ADAM8: variants seen among roughly 807,000 people sequenced by gnomAD.
ADAM8 encodes disintegrin and metalloproteinase domain-containing protein 8.
In ADAM8, 104 loss-of-function variants were observed where a neutral mutation model predicts 102.4. That is an observed-to-expected ratio of 1.02 (90% CI 0.87 to 1.20). The LOEUF is 1.20. Among genes scored for constraint, ADAM8 ranks in the 50% most tolerant of loss-of-function variants. The pLI, the probability that ADAM8 is intolerant of heterozygous loss-of-function variation, is 0.00. For synonymous variants in ADAM8, 517 were observed against 485.2 expected (o/e 1.07, Z -0.86); for missense variants, 1,132 against 1,159.0 (o/e 0.98, Z 0.34).
chr10:133,263,604 A>C, intron 22 of ADAM8, 84 bp downstream of exon 22: 2 of 53,360 alleles, frequency 3.7e-5, no homozygotes, highest in Non-Finnish European at 5.8e-5. Context: ...CCCACCCTCC[A>C]GGGCAGTGCC....
At chr10:133,273,120 G>A (rs528047134) in intron 6 of ADAM8, 101 bp from the exon 7 acceptor site, 2 of 1,595,196 alleles carry the variant, frequency 1.3e-6, no homozygotes, top group South Asian at 2.2e-5. Context: ...TCCAGTGCTG[G>A]GGGAGCGTGG....
intron 14 of ADAM8, 23 bp downstream of exon 14, chr10:133,270,853 TGCCAG>T: frequency 6.2e-7 from 1 of 1,610,204 alleles, no homozygotes; most frequent in Non-Finnish European, 8.5e-7. Flanking sequence ...GCAGCCACCC[TGCCAG>T]GCCAGCTCTG....
At chr10:133,268,244 GAGAC>G (rs1382666068) in intron 19 of ADAM8, 126 bp from the exon 20 acceptor site, 3 of 890,446 alleles carry the variant, frequency 3.4e-6, no homozygotes, top group African/African-American at 1.7e-5. Flanking sequence ...GTGGCCATGA[GAGAC>G]AGACAGGCCC....
At chr10:133,269,222 G>A (rs1182237051) in intron 18 of ADAM8, 2 of 978,422 alleles carry the variant, frequency 2.0e-6, no homozygotes, top group Non-Finnish European at 2.4e-6. Flanking sequence ...TCACGGCCGT[G>A]CCCTGCCCTC....
intron 2 of ADAM8, chr10:133,275,093 C>A: frequency 3.4e-6 from 1 of 296,830 alleles, no homozygotes. Flanking sequence ...GGGAGGGGGG[C>A]ATTCTCAGTT....
In ADAM8 at chr10:133,267,931, C is replaced by T; in HGVS notation, c.2251G>A (p.Ala751Thr). The T allele has an allele frequency of 7.9e-7, 1 of 1,260,292 alleles. No individual in the cohort carries two copies. 78.1% of individuals were successfully genotyped at this position (1,260,292 alleles called of 1,614,324 possible). Reference protein sequence around the residue: ...SSVALKRPPPAPPVTVSSPPF... With the variant: ...SSVALKRPPPTPPVTVSSPPF... Reference sequence around the variant, plus strand: ...AACCCGCCAGGGGTGGTGCTTACAGCAGGGGGCGGCCTCTTCAGAGCCACC... The same window carrying T: ...AACCCGCCAGGGGTGGTGCTTACAGTAGGGGGCGGCCTCTTCAGAGCCACC... The change falls in exon 20 of 23, where the codon GCT (alanine) becomes ACT (threonine). Residue 751 changes from alanine (A) to threonine (T), a missense_variant and splice_region_variant. Coordinates refer to ENST00000445355, the MANE Select transcript of ADAM8 (RefSeq NM_001109.5).
chr10:133,272,617 C>T, intron 8 of ADAM8, 32 bp from the exon 9 acceptor site: 1 of 1,587,238 alleles, frequency 6.3e-7, no homozygotes, highest in Non-Finnish European at 8.6e-7. Context: ...GGGGGTCAGG[C>T]AGGGTGGCGG....
rs1009263930 is a variant in ADAM8, at chr10:133,273,003, C to T, written c.590G>A (p.Arg197Gln). Residue 197 changes from arginine (R) to glutamine (Q), a missense_variant, in exon 7 of 23, where the codon CGA (arginine) becomes CAA (glutamine). Arg to Gln is a conservative substitution (Grantham distance 43). Transcript: ENST00000445355. ...RPRPGDSLPS[R>Q]ETRYVELYVV... ...ATACAGCTCCACGTAGCGGGTCTCT[C>T]GGGATGGCAGAGAGTCCTGGGGAAC... 1.4e-5 allele frequency: 23 copies of T among 1,612,634 alleles called. No individual in the cohort carries two copies. Among genetic ancestry groups the T allele is most frequent in the South Asian group, 3.3e-5 (3 of 91,090 alleles).
At chr10:133,272,710 T>C in intron 8 of ADAM8, 88 bp downstream of exon 8, 1 of 1,529,926 alleles carries the variant, frequency 6.5e-7, no homozygotes, top group Non-Finnish European at 8.8e-7. Context: ...GGGGCAGAGC[T>C]GGAGCAGGTG....
At position 133,270,800 on chromosome 10, in the gene ADAM8, G is replaced by A. The variant is rs143152645; in HGVS notation, c.1570C>T (p.Gln524Ter). 281 of 1,606,496 alleles carry A rather than the reference G, an allele frequency of 1.7e-4. 1 individual carries two copies. Among genetic ancestry groups the A allele is most frequent in the Non-Finnish European group, 2.2e-4 (255 of 1,175,908 alleles). ...GAGAAGCAGGACTCCTCGGCAGCCT[G>A]CCCACCTGTGGGACCAGAAGCGGGT... ...QCQAFWGPGG[Q>*]AAEESCFSYD... Residue 524 changes from glutamine to a stop codon, truncating the protein, a stop_gained, in exon 15 of 23, where the codon CAG (glutamine) becomes TAG (stop). Transcript: ENST00000445355. LOFTEE classifies it high-confidence loss of function.
chr10:133,274,614 CA>C (rs1846680377), intron 2 of ADAM8, among the ~76,000 whole-genome samples: 1 of 151,940 alleles, frequency 6.6e-6, no homozygotes, highest in Non-Finnish European at 1.5e-5. Flanking sequence ...TCCCAGGCCT[CA>C]GTTTCCCCAT....
chr10:133,266,851 G>A (rs1341523230), intron 21 of ADAM8, among the ~76,000 whole-genome samples: 1 of 152,176 alleles, frequency 6.6e-6, no homozygotes, highest in Non-Finnish European at 1.5e-5. Flanking sequence ...GGGAGCCAGG[G>A]CGCAGGGACA....
intron 19 of ADAM8, 21 bp from the exon 20 acceptor site, chr10:133,268,139 GCA>G: frequency 8.0e-7 from 1 of 1,256,802 alleles, no homozygotes. Context: ...AGCACAGGGC[GCA>G]TGGTCAGTGT....
At chr10:133,269,837 C>T in intron 17 of ADAM8, 60 bp downstream of exon 17, 1 of 1,571,060 alleles carries the variant, frequency 6.4e-7, no homozygotes, top group East Asian at 2.2e-5. Context: ...GTCCCCAGCA[C>T]CGGCTCCCTC....
chr10:133,263,360 AC>A, intron 22 of ADAM8, 127 bp from the exon 23 acceptor site: 1 of 916,404 alleles, frequency 1.1e-6, no homozygotes, highest in Non-Finnish European at 1.6e-6. Context: ...TCCACCAACA[AC>A]ATGGCCCATG....
In ADAM8 at chr10:133,273,548, C is replaced by A. The variant is rs1846630111; in HGVS notation, c.384-105G>T. 9 of 1,354,858 alleles carry A rather than the reference C, an allele frequency of 6.6e-6. No individual in the cohort carries two copies. In the South Asian group the frequency reaches 1.2e-4, roughly 18 times the overall value. The allele number at this position is 1,354,858 out of a possible 1,614,324, so 83.9% of individuals were successfully genotyped here. A position where few individuals can be genotyped will look rare whatever the true frequency, so the allele number is the denominator to read the frequency against. On this transcript the variant is annotated intron_variant, in intron 5 of 22. Transcript: ENST00000445355. ...GTTGCCTACAGCTCCCCCTACCCTG[C>A]CACCAGCAGCCCCCCGCAGGTGACT...
chr10:133,273,903 G>GC (rs768028475), intron 4 of ADAM8, 48 bp downstream of exon 4: 26 of 1,557,434 alleles, frequency 1.7e-5, no homozygotes, highest in Non-Finnish European at 2.1e-5. Flanking sequence ...CTCGGGGAGG[G>GC]CCGCCCAGCC....
At chr10:133,269,671 C>A (rs1846452732) in intron 17 of ADAM8, 142 bp from the exon 18 acceptor site, 1 of 965,656 alleles carries the variant, frequency 1.0e-6, no homozygotes, top group Non-Finnish European at 1.5e-6. Flanking sequence ...GACGGCGAGG[C>A]CTCTCCATGT....
At chr10:133,267,305 G>C (rs1846354131) in intron 21 of ADAM8, 47 bp downstream of exon 21, 15 of 1,563,250 alleles carry the variant, frequency 9.6e-6, no homozygotes, top group Non-Finnish European at 1.2e-5. Context: ...CATCAGGAAG[G>C]CCTGGACACC....
Sources: allele counts gnomAD v4.1 joint callset (sites outside exome capture counted in the v4.1 genomes callset), GRCh38; gene constraint gnomAD v4.1.1; transcripts MANE v1.5; gene names NCBI Gene and HGNC (gene_info 2026-07-23, HGNC 2026-07-21).